CPNE7: variants seen among roughly 807,000 people sequenced by gnomAD.
CPNE7 encodes copine 7, also known as copine-7.
Under a neutral mutation model 66.5 loss-of-function variants are expected in CPNE7, and 78 were observed. The observed-to-expected ratio is 1.17, with a 90% CI of 0.98 to 1.42. CPNE7 has a LOEUF of 1.42. CPNE7 is among the 40% of genes most tolerant of loss of function. The pLI is 0.00. For missense variants in CPNE7, 1,012 were observed against 776.6 expected, an observed-to-expected ratio of 1.30 and a Z score of -3.60; for synonymous variants, 468 against 336.7, an observed-to-expected ratio of 1.39 and a Z score of -4.27.
chr16:89,596,649 G>A lies in CPNE7; in HGVS notation c.*28G>A. 1 of 1,570,032 alleles carries A rather than the reference G, an allele frequency of 6.4e-7. No individual in the cohort carries two copies. Among genetic ancestry groups the A allele is most frequent in the South Asian group, 1.2e-5 (1 of 86,676 alleles). ...ATGTGGAGGGCGTAGGGTGGGGGCA[G>A]TGAGGAATGGGTCCGTACAGCCTCT... On this transcript the variant is annotated 3_prime_UTR_variant, in exon 15 of 15. Transcript: ENST00000319518.
Position 89,584,394 on chromosome 16 carries a change from T to C in CPNE7, c.507+292T>C, listed in dbSNP as rs1284875803. ...ATAGGCCCAGCACCCCCGAGGCCAC[T>C]GTCGTGACAGGAGGAACTGGAACAG... On this transcript the variant is annotated intron_variant, in intron 4 of 14. Transcript: ENST00000319518. The surrounding 1 kb of genome is among the most constrained non-coding windows in gnomAD (Gnocchi z 6.0). Among the ~76,000 whole-genome samples the C allele has an allele frequency of 1.3e-5, 2 of 152,220 alleles. No homozygotes were observed. The highest frequency in any genetic ancestry group is 3.8e-4 in the East Asian group (2 of 5,198).
intron 8 of CPNE7, 126 bp from the exon 9 acceptor site, chr16:89,586,917 G>C (rs1392523969): frequency 1.8e-6 from 2 of 1,109,292 alleles, no homozygotes; most frequent in Admixed American, 2.0e-5. Flanking sequence ...AGAGAGGATG[G>C]GGGAGAGGAG....
chr16:89,582,334 T>C (rs2058968509), intron 2 of CPNE7, among the ~76,000 whole-genome samples: 1 of 152,242 alleles, frequency 6.6e-6, no homozygotes, highest in Non-Finnish European at 1.5e-5. Flanking sequence ...TTAAACGCTG[T>C]TGGCACAAAT....
intron 2 of CPNE7, among the ~76,000 whole-genome samples, chr16:89,581,539 T>C (rs1367843956): frequency 6.6e-6 from 1 of 152,220 alleles, no homozygotes; most frequent in Admixed American, 6.5e-5. Context: ...CGGTCGGAGC[T>C]GGCGTGCCAT....
chr16:89,596,092 C>A (rs1023270229), intron 14 of CPNE7, among the ~76,000 whole-genome samples: 1 of 152,244 alleles, frequency 6.6e-6, no homozygotes, highest in African/African-American at 2.4e-5. Context: ...CAGCAAGACA[C>A]CACAGACATG....
rs1373011295 is a variant in CPNE7 at position 89,586,741 on chromosome 16, C to T, written c.852C>T (p.Val284=). 1 of 1,612,776 alleles carries T rather than the reference C, an allele frequency of 6.2e-7. No homozygotes were observed. Among genetic ancestry groups the T allele is most frequent in the Admixed American group, 1.7e-5 (1 of 59,944 alleles). ...GTTATAAGAACTCAGGAGTGGTCGT[C>T]CTGGCTGACCTCAAGGTGAGAGGTG... ...RRSYKNSGVV[V]LADLKFHRVY... The change falls in exon 8 of 15, where the codon GTC becomes GTT. Residue 284 remains valine, a synonymous_variant. Coordinates refer to ENST00000319518, the MANE Select transcript of CPNE7 (RefSeq NM_153636.3).
chr16:89,584,953 AGGGAGC>A lies in CPNE7; in HGVS notation c.591+97_591+102del. ...ATGGGAGGAGCTCCCAGCCTCCAACAGGGAGCTGTGGGCGCAGGGCTTTGGTGGCTG... is the reference window on the plus strand; with the variant it reads ...ATGGGAGGAGCTCCCAGCCTCCAACATGTGGGCGCAGGGCTTTGGTGGCTG... On this transcript the variant is annotated intron_variant, in intron 5 of 14. Transcript: ENST00000319518. The surrounding 1 kb of genome is among the most constrained non-coding windows in gnomAD (Gnocchi z 6.0). The A allele has an allele frequency of 8.9e-7, 1 of 1,125,756 alleles. No individual in the cohort carries two copies. The highest frequency in any genetic ancestry group is 1.3e-6 in the Non-Finnish European group (1 of 758,972). 69.7% of individuals were successfully genotyped at this position (1,125,756 alleles called of 1,614,324 possible). A position where few individuals can be genotyped will look rare whatever the true frequency, so the allele number is the denominator to read the frequency against.
At chr16:89,588,269 C>T (rs573979632) in intron 9 of CPNE7, among the ~76,000 whole-genome samples, 4 of 152,172 alleles carry the variant, frequency 2.6e-5, no homozygotes, top group Non-Finnish European at 5.9e-5. Flanking sequence ...TGCGCTGGTT[C>T]GTGTTTTGTT....
rs1242797198 is a variant in CPNE7 at position 89,576,042 on chromosome 16, C to T, written c.145C>T (p.Leu49=). ...CAAGTCCGACCCCAGCGTGGCGTTG[C>T]TGCAGCAGGCGCAGGGCCAGTGGGT... The part of the protein sequence containing the change: ...LTKSDPSVAL[L]QQAQGQWVQV... Residue 49 remains leucine (L), a synonymous_variant, in exon 1 of 15, where the codon CTG becomes TTG. Transcript: ENST00000319518. 1.4e-5 allele frequency: 19 copies of T among 1,322,000 alleles called. No individual in the cohort carries two copies. The highest frequency in any genetic ancestry group is 1.7e-5 in the Non-Finnish European group (18 of 1,036,162). The allele number at this position is 1,322,000 out of a possible 1,614,324, so 81.9% of individuals were successfully genotyped here.
rs748817587 is a variant in CPNE7, at chr16:89,595,364, CA to C, written c.1303-2del. 59 of 1,561,260 alleles carry C rather than the reference CA, an allele frequency of 3.8e-5. No homozygotes were observed. Among genetic ancestry groups the C allele is most frequent in the Non-Finnish European group, 4.7e-5 (54 of 1,148,676 alleles). On this transcript the variant is annotated splice_acceptor_variant, in intron 13 of 14. Coordinates refer to ENST00000319518, the MANE Select transcript of CPNE7 (RefSeq NM_153636.3). LOFTEE classifies it high-confidence loss of function. ...GTTGCTGATGCCTTTCCTGTGCCCC[CA>C]GCAATACTACATCCTGCTGATCCTG...
At chr16:89,592,004 T>TC (rs2059179350) in intron 13 of CPNE7, among the ~76,000 whole-genome samples, 1 of 139,864 alleles carries the variant, frequency 7.1e-6, no homozygotes, top group Admixed American at 6.9e-5. Context: ...CGGCATTCTT[T>TC]TTTTTGTTGT....
chr16:89,595,164 G>C (rs71396931), intron 13 of CPNE7, among the ~76,000 whole-genome samples: 1 of 152,134 alleles, frequency 6.6e-6, no homozygotes, highest in African/African-American at 2.4e-5. Flanking sequence ...CTGGGCACAG[G>C]AGGCCCAGAG....
chr16:89,592,360 C>G (rs1226744778), intron 13 of CPNE7, among the ~76,000 whole-genome samples: 1 of 151,436 alleles, frequency 6.6e-6, no homozygotes, highest in Non-Finnish European at 1.5e-5. Context: ...CTCTGAGGTC[C>G]TGCAACCCGT....
At position 89,575,874 on chromosome 16, in the gene CPNE7, G is replaced by A; in HGVS notation, c.-24G>A. On this transcript the variant is annotated 5_prime_UTR_variant, in exon 1 of 15. Coordinates refer to ENST00000319518, the MANE Select transcript of CPNE7 (RefSeq NM_153636.3). ...GGGCAGCGGCCCCTCAGTGCGCCCA[G>A]CCGGGCCCCCGAACGCCGGGAGCAT... 2 of 1,199,862 alleles carry A rather than the reference G, an allele frequency of 1.7e-6. No homozygotes were observed. Among genetic ancestry groups the A allele is most frequent in the African/African-American group, 1.6e-5 (1 of 63,080 alleles). 74.3% of individuals were successfully genotyped at this position (1,199,862 alleles called of 1,614,324 possible).
intron 2 of CPNE7, among the ~76,000 whole-genome samples, chr16:89,580,220 GACACGGAACATCTCCCCCATC>G (rs1198390594): frequency 2.2e-5 from 1 of 44,494 alleles, no homozygotes; most frequent in Non-Finnish European, 6.0e-5. Context: ...GTCACCCGCT[GACACGGAACATCTCCCCCATC>G]ACACGGAACA....
At position 89,596,580 on chromosome 16, in the gene CPNE7, G is replaced by GGC. The variant is rs777075642; in HGVS notation, c.1637_1638insCG (p.Pro548SerfsTer23). On this transcript the variant is annotated frameshift_variant, in exon 15 of 15. Transcript: ENST00000319518. LOFTEE classifies it low-confidence loss of function (END_TRUNC). ...CAGAGGCCTGCCCCCGAGAAGCCTG[G>GGC]GTGTCCCTGCCGGAGAGGCCAGCCC... is the stretch of plus-strand genomic sequence containing the variant. 1.2e-5 allele frequency: 20 copies of GGC among 1,608,338 alleles called. No individual in the cohort carries two copies. The South Asian group carries it at 2.2e-4, about 18-fold the overall frequency.
At position 89,585,802 on chromosome 16, in the gene CPNE7, A is replaced by G. The variant is rs1384066027; in HGVS notation, c.780+17A>G. 4.9e-5 allele frequency: 33 copies of G among 673,162 alleles called. No individual in the cohort carries two copies. The highest frequency in any genetic ancestry group is 1.4e-4 in the African/African-American group (4 of 28,604). 41.7% of individuals were successfully genotyped at this position (673,162 alleles called of 1,614,324 possible). ...GAGGGGCAGGTGAGCAGGACGGGGTAGGGGGTCCTCCAGGGAGGGTCAGGT... is the reference window on the plus strand; with the variant it reads ...GAGGGGCAGGTGAGCAGGACGGGGTGGGGGGTCCTCCAGGGAGGGTCAGGT... On this transcript the variant is annotated intron_variant, in intron 7 of 14. Coordinates refer to ENST00000319518, the MANE Select transcript of CPNE7 (RefSeq NM_153636.3).
rs772603758 is a variant in CPNE7 at position 89,587,116 on chromosome 16, C to T, written c.927+14C>T. 3.3e-5 allele frequency: 45 copies of T among 1,382,328 alleles called. No individual in the cohort carries two copies. The highest frequency in any genetic ancestry group is 4.7e-4 in the Middle Eastern group (2 of 4,252). The allele number at this position is 1,382,328 out of a possible 1,614,324, so 85.6% of individuals were successfully genotyped here. ...ATCCACTTCACCGTGAGTCCATGGC[C>T]CCGCCCCATGCCGCCCCCTCAGTCC... On this transcript the variant is annotated intron_variant, in intron 9 of 14. Coordinates refer to ENST00000319518, the MANE Select transcript of CPNE7 (RefSeq NM_153636.3).
chr16:89,577,675 G>C lies in CPNE7; in HGVS notation c.311G>C (p.Cys104Ser), dbSNP rs772660295. Residue 104 changes from cysteine to serine, a missense_variant, in exon 2 of 15, where the codon TGT becomes TCT. Physicochemically the swap from Cys to Ser is moderately radical, Grantham distance 112 (BLOSUM62 -1). Coordinates refer to ENST00000319518, the MANE Select transcript of CPNE7 (RefSeq NM_153636.3). The stretch of plus-strand genomic sequence containing the variant: ...ACGCATGGGCCCAGCGGCTTCAGCT[G>C]TCAGGAGGACGATTTCCTGGGGGGC... ...YDTHGPSGFS[C>S]QEDDFLGGME... 2 of 1,601,178 alleles carry C rather than the reference G, an allele frequency of 1.2e-6. No homozygotes were observed. Among genetic ancestry groups the C allele is most frequent in the African/African-American group, 1.3e-5 (1 of 74,910 alleles).
Sources: gnomAD v4.1 joint callset for allele counts (sites outside exome capture counted in the v4.1 genomes callset) on GRCh38, gnomAD v4.1.1 for gene constraint, Gnocchi (gnomAD v3.1) non-coding constraint, MANE v1.5 for transcripts, NCBI Gene and HGNC (gene_info 2026-07-23, HGNC 2026-07-21) for gene names.